The following GNAT3 variants were observed in gnomAD, a reference collection of about 807,000 sequenced individuals.
GNAT3 encodes guanine nucleotide-binding protein G(t) subunit alpha-3.
In GNAT3, 31 loss-of-function variants were observed where a neutral mutation model predicts 37.7. That is an observed-to-expected ratio of 0.82 (90% CI 0.62 to 1.11). The LOEUF (loss-of-function observed/expected upper bound fraction) is 1.11, where lower values mean the gene tolerates loss of function less well. Among genes scored for constraint, GNAT3 ranks in the 50% most tolerant of loss-of-function variants. GNAT3 has a pLI of 0.00. For synonymous variants in GNAT3, 138 were observed against 139.8 expected, an observed-to-expected ratio of 0.99 and a Z score of 0.09; for missense variants, 437 against 412.5, an observed-to-expected ratio of 1.06 and a Z score of -0.51.
At chr7:80,493,435 C>T (rs1407021393) in intron 2 of GNAT3, among the ~76,000 whole-genome samples, 1 of 152,146 alleles carries the variant, frequency 6.6e-6, no homozygotes, top group East Asian at 1.9e-4. Context: ...ATAAAACTTA[C>T]ATGAGATTAT....
At chr7:80,475,124 C>T (rs1051635933) in intron 4 of GNAT3, among the ~76,000 whole-genome samples, 4 of 151,988 alleles carry the variant, frequency 2.6e-5, no homozygotes, top group South Asian at 2.1e-4. Flanking sequence ...TCCCCACTCC[C>T]ACCTCCTCTT....
At chr7:80,463,341 G>A (rs1368986105) in intron 5 of GNAT3, among the ~76,000 whole-genome samples, 8 of 151,988 alleles carry the variant, frequency 5.3e-5, no homozygotes, top group Non-Finnish European at 1.0e-4. Context: ...ATTGTGGATC[G>A]AGGACTCAAT....
intron 7 of GNAT3, among the ~76,000 whole-genome samples, 179 bp from the exon 8 acceptor site, chr7:80,459,040 G>A (rs813888): frequency 0.1 from 15,280 of 152,080 alleles, 1,606 homozygotes; most frequent in African/African-American, 0.27. Context: ...GGGAGCTCCC[G>A]GTGGCTAAAA....
chr7:80,490,340 C>T (rs1016042701), intron 2 of GNAT3, among the ~76,000 whole-genome samples: 6 of 152,170 alleles, frequency 3.9e-5, no homozygotes, highest in African/African-American at 1.4e-4. Flanking sequence ...AAATAGAGAA[C>T]TTTCCTATCA....
At chr7:80,495,971 G>A in intron 1 of GNAT3, among the ~76,000 whole-genome samples, 1 of 152,010 alleles carries the variant, frequency 6.6e-6, no homozygotes, top group East Asian at 1.9e-4. Context: ...TTGATGCATA[G>A]CTTGCAAATG....
chr7:80,500,943 T>A (rs1790821163), intron 1 of GNAT3, among the ~76,000 whole-genome samples: 1 of 152,106 alleles, frequency 6.6e-6, no homozygotes, highest in Non-Finnish European at 1.5e-5. Context: ...ATTGGTTGGC[T>A]AATATTTGGC....
intron 1 of GNAT3, among the ~76,000 whole-genome samples, chr7:80,507,104 T>C (rs1281896714): frequency 2.0e-5 from 3 of 152,074 alleles, no homozygotes; most frequent in Non-Finnish European, 4.4e-5. Flanking sequence ...AAGATTCTTC[T>C]TTTTTACCAG....
intron 3 of GNAT3, among the ~76,000 whole-genome samples, chr7:80,481,781 A>G (rs905066832): frequency 1.9e-4 from 29 of 152,106 alleles, no homozygotes; most frequent in Non-Finnish European, 2.1e-4. Context: ...CTTCATCTAC[A>G]TAATAAGAAC....
chr7:80,509,477 T>C (rs557157701), intron 1 of GNAT3, among the ~76,000 whole-genome samples: 37 of 152,242 alleles, frequency 2.4e-4, no homozygotes, highest in African/African-American at 8.9e-4. Flanking sequence ...ATGTATAAAA[T>C]TGTAAACACC....
intron 1 of GNAT3, among the ~76,000 whole-genome samples, chr7:80,508,077 A>G (rs1790983356): frequency 6.6e-6 from 1 of 151,948 alleles, no homozygotes; most frequent in African/African-American, 2.4e-5. Flanking sequence ...ACTAAAAGAA[A>G]AGAACATCTA....
rs553042300 is a variant in GNAT3, at chr7:80,489,757, G to T, written c.162-1081C>A. 1.1e-4 allele frequency among the ~76,000 whole-genome samples: 17 copies of T among 152,196 alleles called. No homozygotes were observed. The South Asian group carries it at 3.5e-3, about 32-fold the overall frequency. On this transcript the variant is annotated intron_variant, in intron 2 of 7. Transcript: ENST00000398291. ...TAAGTAAATAAAATAGACAAAGGCT[G>T]TAGAAAAAAATGCAGTAAAATGTCT...
chr7:80,507,988 C>A (rs925068291), intron 1 of GNAT3, among the ~76,000 whole-genome samples: 8 of 151,662 alleles, frequency 5.3e-5, no homozygotes, highest in Non-Finnish European at 1.2e-4. Context: ...CAGTAAAACT[C>A]AGATTACATC....
At chr7:80,471,324 G>C (rs549304388) in intron 5 of GNAT3, among the ~76,000 whole-genome samples, 1 of 151,570 alleles carries the variant, frequency 6.6e-6, no homozygotes, top group East Asian at 2.0e-4. Flanking sequence ...AACACCCTCA[G>C]AGACACACCC....
intron 4 of GNAT3, 89 bp downstream of exon 4, chr7:80,478,752 T>C (rs1790343772): frequency 7.7e-7 from 1 of 1,295,932 alleles, no homozygotes; most frequent in Non-Finnish European, 1.1e-6. Context: ...ATTTTCCTCA[T>C]TTGAATTTAC....
chr7:80,491,542 A>G (rs1790591570), intron 2 of GNAT3, among the ~76,000 whole-genome samples: 1 of 152,172 alleles, frequency 6.6e-6, no homozygotes, highest in African/African-American at 2.4e-5. Flanking sequence ...CTAACATTTT[A>G]AATGTAGTCA....
At chr7:80,504,847 T>TG (rs147222897) in intron 1 of GNAT3, among the ~76,000 whole-genome samples, 3,658 of 152,180 alleles carry the variant, frequency 0.024, 161 homozygotes, top group African/African-American at 0.083. Context: ...AGGGTGAGGT[T>TG]GGGGGGAGAT....
chr7:80,485,034 AC>A (rs1790453421), intron 3 of GNAT3, among the ~76,000 whole-genome samples: 1 of 152,040 alleles, frequency 6.6e-6, no homozygotes, highest in Admixed American at 6.6e-5. Context: ...ACCTCTCAAG[AC>A]CTTTCAATGT....
chr7:80,491,547 T>C (rs755404565), intron 2 of GNAT3, among the ~76,000 whole-genome samples: 1 of 152,070 alleles, frequency 6.6e-6, no homozygotes, highest in African/African-American at 2.4e-5. Flanking sequence ...ATTTTAAATG[T>C]AGTCAGAGAT....
chr7:80,490,917 A>C (rs190814981), intron 2 of GNAT3, among the ~76,000 whole-genome samples: 1 of 152,246 alleles, frequency 6.6e-6, no homozygotes, highest in Non-Finnish European at 1.5e-5. Flanking sequence ...TGAAGCAGGA[A>C]GTAGGGGAGA....
Sources: allele counts gnomAD v4.1 joint callset (sites outside exome capture counted in the v4.1 genomes callset), GRCh38; gene constraint gnomAD v4.1.1; transcripts MANE v1.5; gene names NCBI Gene and HGNC (gene_info 2026-07-23, HGNC 2026-07-21).